DLG2: variants seen among roughly 807,000 people sequenced by gnomAD.
DLG2 encodes the protein disks large homolog 2.
DLG2 carries 45 observed loss-of-function variants against 132.5 expected under a neutral mutation model. That is an observed-to-expected ratio of 0.34 (90% CI 0.27 to 0.44). The LOEUF (loss-of-function observed/expected upper bound fraction) is 0.44, where lower values mean the gene tolerates loss of function less well. DLG2 is among the 20% of genes least tolerant of loss of function. DLG2 has a pLI of 1.00. For missense variants in DLG2, 1,045 were observed against 1,196.9 expected (o/e 0.87, Z 1.87); for synonymous variants, 424 against 419.6 (o/e 1.01, Z -0.13).
rs542142589 is a variant in DLG2 at position 84,001,735 on chromosome 11, G to A, written c.920-21093C>T. ...CAACTTAAAAAATCAAAATCTTATT[G>A]AGTATATTCTCAGATCACATGGAAT... On this transcript the variant is annotated intron_variant, in intron 11 of 27. Coordinates refer to ENST00000376104, the MANE Select transcript of DLG2 (RefSeq NM_001142699.3). 6.5e-4 allele frequency among the ~76,000 whole-genome samples: 99 copies of A among 152,172 alleles called. 1 individual carries two copies. Among genetic ancestry groups the A allele is most frequent in the African/African-American group, 2.3e-3 (97 of 41,544 alleles).
chr11:85,163,869 G>C (rs1040458736), intron 4 of DLG2, among the ~76,000 whole-genome samples: 2 of 152,076 alleles, frequency 1.3e-5, no homozygotes, highest in African/African-American at 4.8e-5. Flanking sequence ...AAATTAAATT[G>C]ACATAAGGCA....
chr11:84,799,915 TTAATAA>T (rs1267826116), intron 6 of DLG2, among the ~76,000 whole-genome samples: 1 of 152,212 alleles, frequency 6.6e-6, no homozygotes, highest in African/African-American at 2.4e-5. Context: ...TAGCTGAATA[TTAATAA>T]TAATACTTTC....
At chr11:83,908,818 C>T (rs569579321) in intron 15 of DLG2, among the ~76,000 whole-genome samples, 8 of 152,200 alleles carry the variant, frequency 5.3e-5, no homozygotes, top group African/African-American at 1.7e-4. Flanking sequence ...ACTGTAACCT[C>T]GAACTCCTAG....
At chr11:85,337,608 T>C (rs955066462) in intron 3 of DLG2, among the ~76,000 whole-genome samples, 1 of 152,208 alleles carries the variant, frequency 6.6e-6, no homozygotes, top group African/African-American at 2.4e-5. Context: ...TTATTACAGG[T>C]GATTGCCAGC....
intron 18 of DLG2, among the ~76,000 whole-genome samples, chr11:83,698,149 T>C (rs2153635848): frequency 1.3e-5 from 2 of 152,302 alleles, no homozygotes; most frequent in Admixed American, 1.3e-4. Flanking sequence ...GTACATGAGA[T>C]AATAGAGGTA....
intron 7 of DLG2, among the ~76,000 whole-genome samples, chr11:84,472,547 A>T (rs1266509841): frequency 1.3e-5 from 2 of 151,958 alleles, no homozygotes; most frequent in Admixed American, 1.3e-4. Flanking sequence ...AACAAATAAG[A>T]CTAATTTAAA....
intron 16 of DLG2, among the ~76,000 whole-genome samples, chr11:83,858,302 C>T (rs998276529): frequency 9.2e-5 from 14 of 152,278 alleles, no homozygotes; most frequent in African/African-American, 3.4e-4. Flanking sequence ...GCAAAAGGTG[C>T]TTTCTTGCAT....
At chr11:84,990,773 T>C (rs189815040) in intron 6 of DLG2, among the ~76,000 whole-genome samples, 2 of 151,802 alleles carry the variant, frequency 1.3e-5, no homozygotes, top group Admixed American at 1.3e-4. Context: ...AAAAGAAAAC[T>C]GGAAAGTTCC....
intron 6 of DLG2, among the ~76,000 whole-genome samples, chr11:84,628,328 G>A (rs1447676713): frequency 3.9e-5 from 6 of 152,052 alleles, no homozygotes; most frequent in Non-Finnish European, 7.4e-5. Context: ...CATTTGTTGA[G>A]CACCTACTAT....
chr11:83,945,282 A>G (rs2083566147), intron 14 of DLG2, among the ~76,000 whole-genome samples: 2 of 152,240 alleles, frequency 1.3e-5, no homozygotes, highest in African/African-American at 2.4e-5. Flanking sequence ...TCAAAAATAA[A>G]TAAATACAAA....
intron 18 of DLG2, among the ~76,000 whole-genome samples, chr11:83,678,484 C>A (rs900642597): frequency 1.3e-5 from 2 of 152,172 alleles, no homozygotes; most frequent in African/African-American, 4.8e-5. Flanking sequence ...CATCTCAGCT[C>A]ATGAGTGCAA....
intron 6 of DLG2, among the ~76,000 whole-genome samples, chr11:84,993,500 C>T (rs1348946354): frequency 6.6e-6 from 1 of 152,162 alleles, no homozygotes; most frequent in Non-Finnish European, 1.5e-5. Context: ...GATTAGGGTG[C>T]AAGTGTAAAG....
chr11:85,397,091 C>T (rs1173544953), intron 3 of DLG2, among the ~76,000 whole-genome samples: 1 of 152,116 alleles, frequency 6.6e-6, no homozygotes, highest in African/African-American at 2.4e-5. Context: ...CAGCAGGAAC[C>T]CTACAAGCCA....
chr11:85,554,242 AGTC>A (rs1319595290), intron 3 of DLG2, among the ~76,000 whole-genome samples: 6 of 151,820 alleles, frequency 4.0e-5, no homozygotes, highest in East Asian at 1.9e-4. Flanking sequence ...TGAAAACAAT[AGTC>A]GTCGTCAAAC....
intron 6 of DLG2, among the ~76,000 whole-genome samples, chr11:84,912,709 T>C (rs936219937): frequency 1.1e-4 from 17 of 152,228 alleles, no homozygotes; most frequent in African/African-American, 3.6e-4. Context: ...ATCTCCTATA[T>C]GGCGTGAGCC....
intron 8 of DLG2, among the ~76,000 whole-genome samples, chr11:84,239,441 CAA>C (rs1359671193): frequency 6.6e-6 from 1 of 152,138 alleles, no homozygotes; most frequent in African/African-American, 2.4e-5. Context: ...CTCGGCCTCC[CAA>C]AGTGCTGGGA....
chr11:85,429,022 A>G (rs975556441), intron 3 of DLG2, among the ~76,000 whole-genome samples: 1 of 152,230 alleles, frequency 6.6e-6, no homozygotes, highest in African/African-American at 2.4e-5. Context: ...AAACTAGAAA[A>G]TCTAGAAGAA....
At chr11:83,720,526 A>C (rs2153683575) in intron 18 of DLG2, among the ~76,000 whole-genome samples, 1 of 152,020 alleles carries the variant, frequency 6.6e-6, no homozygotes, top group South Asian at 2.1e-4. Context: ...GGCTTAGTAA[A>C]GACTATATAA....
rs540765451 is a variant in DLG2 at position 84,285,512 on chromosome 11, A to G, written c.520-34221T>C. 2.1e-4 allele frequency among the ~76,000 whole-genome samples: 32 copies of G among 152,302 alleles called. No individual in the cohort carries two copies. In the East Asian group the frequency reaches 5.6e-3, roughly 27 times the overall value. On this transcript the variant is annotated intron_variant, in intron 7 of 27. Coordinates refer to ENST00000376104, the MANE Select transcript of DLG2 (RefSeq NM_001142699.3). ...TCAAATCTTCTCCCACCTGTTCTCC[A>G]GAATGCTCTCCCACTTATCATTTAA...
Sources: allele counts gnomAD v4.1 joint callset (sites outside exome capture counted in the v4.1 genomes callset), GRCh38; gene constraint gnomAD v4.1.1; transcripts MANE v1.5; gene names NCBI Gene and HGNC (gene_info 2026-07-23, HGNC 2026-07-21).